CCDC38: variants seen among roughly 807,000 people sequenced by gnomAD.
CCDC38 encodes the protein coiled-coil domain containing 38.
Under a neutral mutation model 72.8 loss-of-function variants are expected in CCDC38, and 69 were observed. The observed-to-expected ratio is 0.95, with a 90% CI of 0.78 to 1.16. CCDC38 has a LOEUF of 1.16. Among genes scored for constraint, CCDC38 ranks in the 50% most tolerant of loss-of-function variants. CCDC38 has a pLI of 0.00. For missense variants in CCDC38, 626 were observed against 638.9 expected, an observed-to-expected ratio of 0.98 and a Z score of 0.22; for synonymous variants, 201 against 213.2, an observed-to-expected ratio of 0.94 and a Z score of 0.50.
chr12:95,916,375 G>GCCTTCCTTCCTTCCTTCCTTCCTT (rs1432630349), intron 4 of CCDC38, among the ~76,000 whole-genome samples: 1 of 111,990 alleles, frequency 8.9e-6, no homozygotes, highest in African/African-American at 3.4e-5. Flanking sequence ...TAAGTTGCCT[G>GCCTTCCTTCCTTCCTTCCTTCCTT]CCTGCCTTCC....
intron 2 of CCDC38, among the ~76,000 whole-genome samples, chr12:95,925,148 G>T (rs987156197): frequency 1.3e-5 from 2 of 150,878 alleles, no homozygotes; most frequent in African/African-American, 4.9e-5. Context: ...CCATTTTCAC[G>T]ATATTGATTC....
In CCDC38 at chr12:95,879,522, A is replaced by G; in HGVS notation, c.1142+122T>C. ...CGTTTTGCACTCCACAATGTAAACTATTAAAAACCCCAGCCTACATTCACA... is the reference window on the plus strand; with the variant it reads ...CGTTTTGCACTCCACAATGTAAACTGTTAAAAACCCCAGCCTACATTCACA... On this transcript the variant is annotated intron_variant, in intron 12 of 15. Transcript: ENST00000344280. The surrounding 1 kb of genome is among the most constrained non-coding windows in gnomAD (Gnocchi z 5.5). 4.9e-6 allele frequency: 3 copies of G among 613,802 alleles called. No homozygotes were observed. The South Asian group carries it at 8.0e-5, about 16-fold the overall frequency. 38.0% of individuals were successfully genotyped at this position (613,802 alleles called of 1,614,324 possible).
At chr12:95,895,408 T>A (rs1459381060) in intron 7 of CCDC38, among the ~76,000 whole-genome samples, 1 of 121,544 alleles carries the variant, frequency 8.2e-6, no homozygotes, top group African/African-American at 3.7e-5. Flanking sequence ...ACTTGTTTAT[T>A]ATTCTGTAGG....
chr12:95,872,661 G>A (rs182737008), intron 13 of CCDC38, among the ~76,000 whole-genome samples: 584 of 152,194 alleles, frequency 3.8e-3, no homozygotes, highest in Middle Eastern at 6.8e-3. Flanking sequence ...TGCAACCTCC[G>A]CCTCCCAGGT....
intron 14 of CCDC38, among the ~76,000 whole-genome samples, chr12:95,872,005 A>T (rs919796412): frequency 1.3e-5 from 2 of 151,974 alleles, no homozygotes; most frequent in Non-Finnish European, 2.9e-5. Flanking sequence ...CCCCTGGTGA[A>T]CTCTGTTCAC....
At chr12:95,895,827 G>A (rs1418632534) in intron 7 of CCDC38, among the ~76,000 whole-genome samples, 1 of 150,710 alleles carries the variant, frequency 6.6e-6, no homozygotes, top group Non-Finnish European at 1.5e-5. Context: ...GGAGGCCAAG[G>A]AGGGCAGATC....
intron 4 of CCDC38, among the ~76,000 whole-genome samples, chr12:95,907,701 G>A (rs1432613579): frequency 7.0e-5 from 10 of 143,496 alleles, no homozygotes; most frequent in African/African-American, 2.3e-4. Flanking sequence ...GCTGCTGGGC[G>A]GAGGGGCTCC....
Position 95,898,683 on chromosome 12 carries a change from T to C in CCDC38, c.418A>G (p.Ile140Val). 6.2e-7 allele frequency: 1 copy of C among 1,614,148 alleles called. No individual in the cohort carries two copies. The highest frequency in any genetic ancestry group is 8.5e-7 in the Non-Finnish European group (1 of 1,180,016). The change falls in exon 6 of 16, where the codon ATA becomes GTA. Residue 140 changes from isoleucine to valine, a missense_variant. Physicochemically the swap from Ile to Val is conservative, Grantham distance 29. Transcript: ENST00000344280. ...TTTAGTTGCCGTTCCCTCATTGCTATGTCTTTTTCAAACTTTTTGATTGTG... is the reference window on the plus strand; with the variant it reads ...TTTAGTTGCCGTTCCCTCATTGCTACGTCTTTTTCAAACTTTTTGATTGTG... The part of the protein sequence containing the change: ...RNTIKKFEKD[I>V]AMRERQLKKA...
At chr12:95,930,508 C>T (rs912796370) in intron 2 of CCDC38, among the ~76,000 whole-genome samples, 15 of 152,230 alleles carry the variant, frequency 9.9e-5, no homozygotes, top group South Asian at 4.2e-4. Flanking sequence ...GTGTCTGTAT[C>T]GCAAATCTTC....
intron 2 of CCDC38, among the ~76,000 whole-genome samples, chr12:95,928,033 C>G (rs1323343398): frequency 2.1e-5 from 3 of 146,106 alleles, no homozygotes; most frequent in Non-Finnish European, 1.5e-5. Context: ...TTGCTCTTCT[C>G]GAGGAGTATC....
At chr12:95,934,517 A>G (rs2080370188) in intron 2 of CCDC38, 1 of 152,150 alleles carries the variant, frequency 6.6e-6, no homozygotes, top group Non-Finnish European at 1.5e-5. Flanking sequence ...AAGCTAACTT[A>G]TGAGTTTGCA....
At chr12:95,942,384 G>GC (rs1375611416) in intron 1 of CCDC38, 47 bp downstream of exon 1, 5 of 151,992 alleles carry the variant, frequency 3.3e-5, no homozygotes, top group African/African-American at 1.2e-4. Flanking sequence ...CTGAGGGGTG[G>GC]GAGGGGGCAT....
chr12:95,923,693 TC>T (rs1197430829), intron 2 of CCDC38, among the ~76,000 whole-genome samples: 7 of 151,702 alleles, frequency 4.6e-5, no homozygotes, highest in African/African-American at 1.7e-4. Context: ...CCCTCCCCAC[TC>T]CCCCCACTCC....
At chr12:95,883,455 C>A (rs1442041884) in intron 10 of CCDC38, among the ~76,000 whole-genome samples, 9 of 152,114 alleles carry the variant, frequency 5.9e-5, no homozygotes, top group Admixed American at 5.9e-4. Context: ...CTGAACAGAG[C>A]CAAGCTCTGT....
intron 5 of CCDC38, among the ~76,000 whole-genome samples, chr12:95,901,487 G>A (rs2079949447): frequency 6.6e-6 from 1 of 152,128 alleles, no homozygotes; most frequent in Admixed American, 6.5e-5. Context: ...TAATATGGAG[G>A]TGGAATTCGA....
intron 5 of CCDC38, 120 bp downstream of exon 5, chr12:95,906,267 A>G: frequency 2.8e-6 from 2 of 704,264 alleles, no homozygotes; most frequent in East Asian, 2.7e-5. Flanking sequence ...GAAAAAACCA[A>G]CCTGTTCAAC....
At chr12:95,888,170 G>T (rs897123438) in intron 10 of CCDC38, among the ~76,000 whole-genome samples, 1 of 152,168 alleles carries the variant, frequency 6.6e-6, no homozygotes, top group African/African-American at 2.4e-5. Flanking sequence ...AAACACACAG[G>T]CTAGCAGAAT....
At chr12:95,894,461 G>C (rs2079863974) in intron 8 of CCDC38, among the ~76,000 whole-genome samples, 1 of 152,130 alleles carries the variant, frequency 6.6e-6, no homozygotes, top group Non-Finnish European at 1.5e-5. Flanking sequence ...GTCAGAGGTG[G>C]GGCTTAGTGA....
At chr12:95,927,401 C>T (rs1476845774) in intron 2 of CCDC38, among the ~76,000 whole-genome samples, 1 of 149,742 alleles carries the variant, frequency 6.7e-6, no homozygotes, top group Non-Finnish European at 1.5e-5. Flanking sequence ...GTAGATCTTC[C>T]TCCATCCTTT....
Sources: allele counts gnomAD v4.1 joint callset (sites outside exome capture counted in the v4.1 genomes callset), GRCh38; gene constraint gnomAD v4.1.1; non-coding constraint Gnocchi (gnomAD v3.1); transcripts MANE v1.5; gene names NCBI Gene and HGNC (gene_info 2026-07-23, HGNC 2026-07-21).